LRRIQ3: variants seen among roughly 807,000 people sequenced by gnomAD.
The protein encoded by LRRIQ3 is leucine-rich repeat and IQ domain-containing protein 3.
Under a neutral mutation model 59.3 loss-of-function variants are expected in LRRIQ3, and 75 were observed. The observed-to-expected ratio is 1.26, with a 90% CI of 1.05 to 1.53. The LOEUF (loss-of-function observed/expected upper bound fraction) is 1.53. LRRIQ3 is among the 40% of genes most tolerant of loss of function. LRRIQ3 has a pLI of 0.00. For synonymous variants in LRRIQ3, 250 were observed against 231.3 expected (o/e 1.08, Z -0.73); for missense variants, 831 against 710.0 (o/e 1.17, Z -1.94).
intron 5 of LRRIQ3, among the ~76,000 whole-genome samples, chr1:74,103,222 A>G (rs764472795): frequency 6.6e-6 from 1 of 151,762 alleles, no homozygotes; most frequent in South Asian, 2.1e-4. Context: ...TATAAAATCA[A>G]CCTCTGCCCA....
chr1:74,085,729 A>G (rs1417030640), intron 5 of LRRIQ3, among the ~76,000 whole-genome samples: 1 of 152,128 alleles, frequency 6.6e-6, no homozygotes, highest in East Asian at 1.9e-4. Context: ...CTACTTTAAG[A>G]TAGCATAATT....
chr1:74,050,429 G>T, intron 6 of LRRIQ3: 1 of 717,690 alleles, frequency 1.4e-6, no homozygotes, highest in Non-Finnish European at 1.7e-6. Flanking sequence ...CAAAACAACT[G>T]GATCATATCA....
intron 6 of LRRIQ3, among the ~76,000 whole-genome samples, chr1:74,051,570 GT>G (rs140596813): frequency 0.019 from 2,930 of 152,144 alleles, 82 homozygotes; most frequent in African/African-American, 0.067. Flanking sequence ...GCAACCATAA[GT>G]TATCACCACA....
In LRRIQ3 at chr1:74,062,425, G is replaced by C. The variant is rs150280804; in HGVS notation, c.997+12236C>G. On this transcript the variant is annotated intron_variant, in intron 6 of 7. Transcript: ENST00000354431. The stretch of plus-strand genomic sequence containing the variant: ...AACGACAGATGCTGCCAAGGTTGTG[G>C]AGGAAAGGGAAGGCTTATACACTGC... Among the ~76,000 whole-genome samples the C allele has an allele frequency of 2.0e-3, 309 of 152,268 alleles. 3 individuals are homozygous for C. The highest frequency in any genetic ancestry group is 6.7e-3 in the African/African-American group (278 of 41,546).
intron 5 of LRRIQ3, among the ~76,000 whole-genome samples, chr1:74,095,345 A>G (rs751723868): frequency 3.5e-4 from 53 of 152,104 alleles, no homozygotes; most frequent in Non-Finnish European, 6.5e-4. Context: ...GCTATTAGGG[A>G]TGATTACTCC....
intron 6 of LRRIQ3, among the ~76,000 whole-genome samples, chr1:74,074,228 T>C (rs1291072866): frequency 6.6e-6 from 1 of 152,160 alleles, no homozygotes; most frequent in Non-Finnish European, 1.5e-5. Flanking sequence ...TATGTATATT[T>C]AGAAAATGTT....
chr1:74,094,181 C>G (rs535997007), intron 5 of LRRIQ3, among the ~76,000 whole-genome samples: 1 of 151,990 alleles, frequency 6.6e-6, no homozygotes, highest in African/African-American at 2.4e-5. Flanking sequence ...CCTCATTTAA[C>G]CTTAATTACT....
chr1:74,120,370 C>A (rs1646837309), intron 4 of LRRIQ3, among the ~76,000 whole-genome samples: 1 of 151,952 alleles, frequency 6.6e-6, no homozygotes, highest in Non-Finnish European at 1.5e-5. Context: ...CCCACCTCGG[C>A]CTTCCAAAGT....
At chr1:74,068,179 G>A (rs1002681911) in intron 6 of LRRIQ3, among the ~76,000 whole-genome samples, 1 of 151,842 alleles carries the variant, frequency 6.6e-6, no homozygotes, top group African/African-American at 2.4e-5. Context: ...CCATATTTTA[G>A]GTTTTATGTT....
chr1:74,068,522 C>A (rs565571607), intron 6 of LRRIQ3, among the ~76,000 whole-genome samples: 1 of 151,936 alleles, frequency 6.6e-6, no homozygotes, highest in East Asian at 1.9e-4. Context: ...TATATGGTAC[C>A]GGTGCTTATA....
At chr1:74,191,931 T>C (rs1197818615) in intron 1 of LRRIQ3, among the ~76,000 whole-genome samples, 1 of 152,036 alleles carries the variant, frequency 6.6e-6, no homozygotes, top group African/African-American at 2.4e-5. Context: ...CTCATATTTT[T>C]CAAGAAAATT....
chr1:74,113,844 A>G (rs1646738036), intron 4 of LRRIQ3, among the ~76,000 whole-genome samples: 1 of 152,058 alleles, frequency 6.6e-6, no homozygotes, highest in Admixed American at 6.6e-5. Context: ...AAAAAGCAGA[A>G]TGCTGGCAAA....
At chr1:74,105,128 A>T (rs774213419) in intron 5 of LRRIQ3, among the ~76,000 whole-genome samples, 1 of 152,068 alleles carries the variant, frequency 6.6e-6, no homozygotes, top group Non-Finnish European at 1.5e-5. Context: ...TTGAATTTTT[A>T]AAAAGATGTA....
chr1:74,167,211 C>T (rs1649041296), intron 3 of LRRIQ3, among the ~76,000 whole-genome samples: 1 of 151,776 alleles, frequency 6.6e-6, no homozygotes, highest in Non-Finnish European at 1.5e-5. Context: ...AGCCCAAATG[C>T]CCATCAATCA....
chr1:74,130,565 A>G (rs1646999183), intron 4 of LRRIQ3, among the ~76,000 whole-genome samples: 1 of 152,066 alleles, frequency 6.6e-6, no homozygotes, highest in South Asian at 2.1e-4. Context: ...GATAAAACCA[A>G]ATATAGTGAT....
intron 1 of LRRIQ3, among the ~76,000 whole-genome samples, chr1:74,191,935 G>T (rs1267547422): frequency 2.0e-5 from 3 of 151,886 alleles, no homozygotes; most frequent in Admixed American, 2.0e-4. Context: ...TATTTTTCAA[G>T]AAAATTGTAA....
intron 4 of LRRIQ3, among the ~76,000 whole-genome samples, chr1:74,126,437 C>A (rs1646937273): frequency 6.6e-6 from 1 of 151,644 alleles, no homozygotes; most frequent in Admixed American, 6.6e-5. Flanking sequence ...CTTTAAGATG[C>A]ATTGTTAGGT....
intron 6 of LRRIQ3, among the ~76,000 whole-genome samples, chr1:74,060,901 A>C (rs1196554034): frequency 6.6e-6 from 1 of 151,754 alleles, no homozygotes; most frequent in East Asian, 1.9e-4. Context: ...ACTCATTTTG[A>C]CCCCCAGTGA....
intron 5 of LRRIQ3, chr1:74,108,933 T>C (rs1433770535): frequency 1.5e-5 from 6 of 392,060 alleles, no homozygotes; most frequent in Non-Finnish European, 1.0e-5. Context: ...GCAAAATGTC[T>C]AGCACAGTGC....
Sources: gnomAD v4.1 joint callset for allele counts (sites outside exome capture counted in the v4.1 genomes callset) on GRCh38, gnomAD v4.1.1 for gene constraint, MANE v1.5 for transcripts, NCBI Gene and HGNC (gene_info 2026-07-23, HGNC 2026-07-21) for gene names.